The following SHD variants were observed in gnomAD, a reference collection of about 807,000 sequenced individuals.
The protein encoded by SHD is Src homology 2 domain containing transforming protein D.
In SHD, 29 loss-of-function variants were observed where a neutral mutation model predicts 31.2. The ratio of observed to expected loss-of-function variants is 0.93; its 90% confidence interval spans 0.69 to 1.27. SHD has a LOEUF of 1.27. Among genes scored for constraint, SHD ranks in the 50% most tolerant of loss-of-function variants. The pLI is 0.00. For synonymous variants in SHD, 208 were observed against 187.8 expected (o/e 1.11, Z -0.88); for missense variants, 520 against 453.8 (o/e 1.15, Z -1.33).
rs910121702 is a variant in SHD, at chr19:4,288,081, T to G, written c.717-162T>G. Reference sequence around the variant, plus strand: ...CACGCCCGGCTAATTTTTTTTGTATTTTTAGTAGAAACGGGGTTTCACCAT... The same window carrying G: ...CACGCCCGGCTAATTTTTTTTGTATGTTTAGTAGAAACGGGGTTTCACCAT... On this transcript the variant is annotated intron_variant, in intron 4 of 5. Transcript: ENST00000543264. 5 of 731,610 alleles carry G rather than the reference T, an allele frequency of 6.8e-6. No individual in the cohort carries two copies. In the East Asian group the frequency reaches 1.9e-4, roughly 27 times the overall value. The allele number at this position is 731,610 out of a possible 1,614,324, so 45.3% of individuals were successfully genotyped here.
intron 5 of SHD, 43 bp downstream of exon 5, chr19:4,288,405 G>A (rs752158793): frequency 1.3e-5 from 20 of 1,582,346 alleles, no homozygotes; most frequent in Admixed American, 1.8e-5. Context: ...ACAGGATTGC[G>A]TGAGTCACCC....
chr19:4,289,000 G>A (rs530038341), intron 5 of SHD, among the ~76,000 whole-genome samples: 1 of 151,976 alleles, frequency 6.6e-6, no homozygotes, highest in African/African-American at 2.4e-5. Flanking sequence ...GTTGGGCATA[G>A]TGGTGCATAC....
rs1568369418 is a variant in SHD, at chr19:4,286,261, CTCTTTCTTTCTTTCTTTCTTTTT to C, written c.716+1359_716+1381del. Reference sequence around the variant, plus strand: ...TTTCTTTCTTTCTTTCTTTCTTTCTCTCTTTCTTTCTTTCTTTCTTTTTTTCTTTCCTTCCTTCCTTCCTTCCT... The same window carrying C: ...TTTCTTTCTTTCTTTCTTTCTTTCTCTTCTTTCCTTCCTTCCTTCCTTCCT... On this transcript the variant is annotated intron_variant, in intron 4 of 5. Transcript: ENST00000543264. 3.0e-4 allele frequency among the ~76,000 whole-genome samples: 30 copies of C among 99,202 alleles called. 1 individual carries two copies. Among genetic ancestry groups the C allele is most frequent in the East Asian group, 1.6e-3 (5 of 3,136 alleles). 65.1% of individuals were successfully genotyped at this position (99,202 alleles called of 152,430 possible). A position where few individuals can be genotyped will look rare whatever the true frequency, so the allele number is the denominator to read the frequency against.
chr19:4,288,405 G>C (rs752158793), intron 5 of SHD, 43 bp downstream of exon 5: 2 of 1,582,346 alleles, frequency 1.3e-6, no homozygotes, highest in Admixed American at 3.6e-5. Context: ...ACAGGATTGC[G>C]TGAGTCACCC....
intron 3 of SHD, 44 bp downstream of exon 3, chr19:4,283,286 T>G (rs1971275869): frequency 6.4e-7 from 1 of 1,566,146 alleles, no homozygotes; most frequent in Non-Finnish European, 8.7e-7. Context: ...GCCCCATCCC[T>G]GCATTTCCTC....
At chr19:4,286,288 TTTCCTTCC>T (rs199916938) in intron 4 of SHD, among the ~76,000 whole-genome samples, 37 of 113,404 alleles carry the variant, frequency 3.3e-4, no homozygotes, top group East Asian at 1.2e-3. Context: ...TCTTTTTTTC[TTTCCTTCC>T]TTCCTTCCTT....
At chr19:4,288,444 GGTGT>G in intron 5 of SHD, 82 bp downstream of exon 5, 1 of 1,461,618 alleles carries the variant, frequency 6.8e-7, no homozygotes, top group Non-Finnish European at 9.2e-7. Context: ...GGAAGGGGAG[GGTGT>G]GGCTCCCGCA....
chr19:4,282,012 G>T (rs1971261121), intron 1 of SHD, among the ~76,000 whole-genome samples: 1 of 152,150 alleles, frequency 6.6e-6, no homozygotes, highest in African/African-American at 2.4e-5. Context: ...GGCGAAGGAG[G>T]GAGGCAGGTG....
In SHD at chr19:4,284,656, C is replaced by T. The variant is rs928171189; in HGVS notation, c.593-125C>T. ...TCCTGCCCCTGCCTTAAGCCCAGCC[C>T]CTGGGCTGTGATAGGTTGTCCCAAG... On this transcript the variant is annotated intron_variant, in intron 3 of 5. Coordinates refer to ENST00000543264, the MANE Select transcript of SHD (RefSeq NM_020209.4). 7.4e-6 allele frequency: 9 copies of T among 1,208,558 alleles called. 1 individual carries two copies. Among genetic ancestry groups the T allele is most frequent in the African/African-American group, 4.7e-5 (3 of 64,190 alleles). The allele number at this position is 1,208,558 out of a possible 1,614,324, so 74.9% of individuals were successfully genotyped here. A position where few individuals can be genotyped will look rare whatever the true frequency, so the allele number is the denominator to read the frequency against.
intron 1 of SHD, among the ~76,000 whole-genome samples, chr19:4,281,256 G>T (rs8111287): frequency 0.015 from 2,195 of 149,798 alleles, 55 homozygotes; most frequent in African/African-American, 0.051. Flanking sequence ...ACCAGCCCGG[G>T]CTAACAGAGT....
rs539995411 is a variant in SHD, at chr19:4,289,358, G to A, written c.836+996G>A. Among the ~76,000 whole-genome samples, 11 of 150,904 alleles carry A rather than the reference G, an allele frequency of 7.3e-5. No homozygotes were observed. In the East Asian group the frequency reaches 1.8e-3, roughly 25 times the overall value. On this transcript the variant is annotated intron_variant, in intron 5 of 5. Coordinates refer to ENST00000543264, the MANE Select transcript of SHD (RefSeq NM_020209.4). ...GATCTCCTGACCTCGTGATCCGCCC[G>A]CCTCAGCCTCCCAAAGTGCTGGGAT...
chr19:4,284,801 T>C lies in SHD; in HGVS notation c.613T>C (p.Trp205Arg). The change falls in exon 4 of 6, where the codon TGG becomes CGG. Residue 205 changes from tryptophan to arginine, a missense_variant. Transcript: ENST00000543264. ...AFAVQFDSPE[W>R]ERTPGSAKEL... Reference sequence around the variant, plus strand: ...TCCAGTGCAGTTTGACAGTCCAGAGTGGGAGAGGACTCCAGGCTCAGCCAA... The same window carrying C: ...TCCAGTGCAGTTTGACAGTCCAGAGCGGGAGAGGACTCCAGGCTCAGCCAA... 6.2e-7 allele frequency: 1 copy of C among 1,610,306 alleles called. No individual in the cohort carries two copies. Among genetic ancestry groups the C allele is most frequent in the Non-Finnish European group, 8.5e-7 (1 of 1,178,010 alleles).
chr19:4,280,060 C>A lies in SHD; in HGVS notation c.-4C>A, dbSNP rs373975408. ...GTGGCCCGATTGGGGTGACAGGCGC[C>A]CAAATGGCCAAGTGGCTACGGGACT... is the stretch of plus-strand genomic sequence containing the variant. On this transcript the variant is annotated 5_prime_UTR_variant, in exon 1 of 6. Transcript: ENST00000543264. The A allele has an allele frequency of 9.3e-5, 148 of 1,594,172 alleles. No individual in the cohort carries two copies. The highest frequency in any genetic ancestry group is 1.2e-4 in the Non-Finnish European group (139 of 1,171,488).
chr19:4,284,961 T>G, intron 4 of SHD, 57 bp downstream of exon 4: 2 of 1,425,642 alleles, frequency 1.4e-6, no homozygotes, highest in East Asian at 2.6e-5. Flanking sequence ...TAGACTCCAA[T>G]GTATCAGGCA....
intron 5 of SHD, 60 bp downstream of exon 5, chr19:4,288,422 GT>G: frequency 6.8e-7 from 1 of 1,469,886 alleles, no homozygotes; most frequent in Non-Finnish European, 9.1e-7. Context: ...ACCCTTTTGG[GT>G]TAATTCAGAG....
At position 4,290,455 on chromosome 19, in the gene SHD, A is replaced by G. The variant is rs1244055817; in HGVS notation, c.845A>G (p.Gln282Arg). The G allele has an allele frequency of 1.2e-6, 2 of 1,611,216 alleles. No homozygotes were observed. The highest frequency in any genetic ancestry group is 4.5e-5 in the East Asian group (2 of 44,820). Residue 282 changes from glutamine (Q) to arginine (R), a missense_variant, in exon 6 of 6, where the codon CAG (glutamine) becomes CGG (arginine). Transcript: ENST00000543264. ...TCTCCCTCATCGCCCAGGAGCAGCC[A>G]GGGCTTCCTGCATCTGAAGTTCGCG... ...QDCSLSLRSS[Q>R]GFLHLKFART...
At position 4,281,746 on chromosome 19, in the gene SHD, G is replaced by A. The variant is rs184109211; in HGVS notation, c.298-1124G>A. Among the ~76,000 whole-genome samples, 531 of 152,206 alleles carry A rather than the reference G, an allele frequency of 3.5e-3. 3 individuals carry two copies. The highest frequency in any genetic ancestry group is 0.012 in the African/African-American group (512 of 41,526). Reference sequence around the variant, plus strand: ...GCACTCCAGCCTGGGTGACAAGAGCGAGACTCTGTCTCAATAAATAAATAA... The same window carrying A: ...GCACTCCAGCCTGGGTGACAAGAGCAAGACTCTGTCTCAATAAATAAATAA... On this transcript the variant is annotated intron_variant, in intron 1 of 5. Transcript: ENST00000543264.
chr19:4,284,533 G>C lies in SHD; in HGVS notation c.593-248G>C, dbSNP rs73919824. The C allele has an allele frequency of 1.3e-4, 43 of 329,856 alleles. No individual in the cohort carries two copies. In the Admixed American group the frequency reaches 2.1e-3, roughly 16 times the overall value. 20.4% of individuals were successfully genotyped at this position (329,856 alleles called of 1,614,324 possible). ...GGCTCCTCTTTGGAAACTTCGAACC[G>C]ACCCCGTCTAGCCACGCCCCTTGTG... On this transcript the variant is annotated intron_variant, in intron 3 of 5. Coordinates refer to ENST00000543264, the MANE Select transcript of SHD (RefSeq NM_020209.4).
Position 4,280,284 on chromosome 19 carries a change from C to T in SHD, c.221C>T (p.Pro74Leu). The T allele has an allele frequency of 1.9e-6, 3 of 1,612,194 alleles. No homozygotes were observed. Among genetic ancestry groups the T allele is most frequent in the Non-Finnish European group, 2.5e-6 (3 of 1,179,324 alleles). Residue 74 changes from proline (P) to leucine (L), a missense_variant, in exon 1 of 6, where the codon CCC (proline) becomes CTC (leucine). Transcript: ENST00000543264. ...CCCGGAGATGCCAAGTATGGTTCTC[C>T]CAAGCACCGGCTCATCAAGGTGGAG... Reference protein sequence around the residue: ...KNPGDAKYGSPKHRLIKVEAA... With the variant: ...KNPGDAKYGSLKHRLIKVEAA...
Sources: allele counts gnomAD v4.1 joint callset (sites outside exome capture counted in the v4.1 genomes callset), GRCh38; gene constraint gnomAD v4.1.1; transcripts MANE v1.5; gene names NCBI Gene and HGNC (gene_info 2026-07-23, HGNC 2026-07-21).